Variants in TAS2R1 observed in about 807,000 individuals in gnomAD.
TAS2R1 encodes the protein taste 2 receptor member 1.
For synonymous variants in TAS2R1, 141 were observed against 134.2 expected (o/e 1.05, Z -0.35); for missense variants, 370 against 353.4 (o/e 1.05, Z -0.38).
At chr5:9,855,743 T>C in the TAS2R1 span, among the ~76,000 whole-genome samples, 2 of 152,228 alleles carry the variant, frequency 1.3e-5, no homozygotes. Flanking sequence ...GCTTCTGATA[T>C]GAGAAAGTCA....
the TAS2R1 span, among the ~76,000 whole-genome samples, chr5:9,811,290 T>C: frequency 6.6e-6 from 1 of 152,156 alleles, no homozygotes; most frequent in African/African-American, 2.4e-5. Flanking sequence ...TCCAGAACAA[T>C]GAGATGTAAA....
At chr5:9,762,163 T>C in the TAS2R1 span, among the ~76,000 whole-genome samples, 9 of 152,344 alleles carry the variant, frequency 5.9e-5, no homozygotes, top group East Asian at 1.7e-3. Context: ...AAAGTCTTTC[T>C]GTTTTTACCT....
chr5:9,704,359 C>T (rs1171170902), intron 1 of TAS2R1, among the ~76,000 whole-genome samples: 1 of 114,166 alleles, frequency 8.8e-6, no homozygotes, highest in African/African-American at 3.4e-5. Context: ...AACAGCTCCA[C>T]TGAGAAAAAA....
chr5:9,757,739 T>A, the TAS2R1 span, among the ~76,000 whole-genome samples: 4 of 152,170 alleles, frequency 2.6e-5, no homozygotes, highest in Non-Finnish European at 4.4e-5. Context: ...GAAATTACAT[T>A]TAAACTAGCA....
the TAS2R1 span, among the ~76,000 whole-genome samples, chr5:9,770,313 C>T: frequency 1.3e-5 from 2 of 152,148 alleles, no homozygotes; most frequent in Non-Finnish European, 2.9e-5. Flanking sequence ...GTTACTATAA[C>T]TCTGCAATAA....
the TAS2R1 span, among the ~76,000 whole-genome samples, chr5:9,744,400 G>GAA: frequency 1.3e-5 from 2 of 152,230 alleles, no homozygotes; most frequent in East Asian, 3.9e-4. Context: ...GATGGGAATG[G>GAA]AAAAATATTG....
the TAS2R1 span, among the ~76,000 whole-genome samples, chr5:9,899,102 T>C: frequency 6.6e-6 from 1 of 152,168 alleles, no homozygotes; most frequent in Non-Finnish European, 1.5e-5. Flanking sequence ...AGCCCACACA[T>C]ATAAATATTT....
the TAS2R1 span, among the ~76,000 whole-genome samples, chr5:9,856,215 G>C: frequency 6.6e-6 from 1 of 152,212 alleles, no homozygotes; most frequent in South Asian, 2.1e-4. Flanking sequence ...AATCCAGAAA[G>C]CCAAGCACAA....
the TAS2R1 span, among the ~76,000 whole-genome samples, chr5:9,743,460 C>A: frequency 6.6e-6 from 1 of 152,138 alleles, no homozygotes; most frequent in Non-Finnish European, 1.5e-5. Context: ...CTAATGCTAT[C>A]TTTTCTACAG....
chr5:9,667,510 C>T (rs974055995), intron 1 of TAS2R1, among the ~76,000 whole-genome samples: 1 of 152,196 alleles, frequency 6.6e-6, no homozygotes, highest in South Asian at 2.1e-4. Flanking sequence ...CAGGCATAAC[C>T]GTATGTTCCC....
chr5:9,687,250 G>A (rs1044078042), intron 1 of TAS2R1, among the ~76,000 whole-genome samples: 16 of 152,304 alleles, frequency 1.1e-4, no homozygotes, highest in East Asian at 7.7e-4. Flanking sequence ...GATTACAGGC[G>A]TGAGCTACCG....
At chr5:9,729,793 G>A in the TAS2R1 span, among the ~76,000 whole-genome samples, 2 of 152,092 alleles carry the variant, frequency 1.3e-5, no homozygotes, top group Admixed American at 1.3e-4. Context: ...CAATATGTGG[G>A]CCGGCTCAGT....
chr5:9,815,689 A>G, the TAS2R1 span, among the ~76,000 whole-genome samples: 6 of 152,142 alleles, frequency 3.9e-5, no homozygotes, highest in Middle Eastern at 3.2e-3. Context: ...GACCAAAAAA[A>G]AAAAGAAGGA....
chr5:9,686,907 T>C (rs564059411), intron 1 of TAS2R1, among the ~76,000 whole-genome samples: 2 of 152,366 alleles, frequency 1.3e-5, no homozygotes, highest in South Asian at 2.1e-4. Context: ...ATAGTAATTA[T>C]AACTTGGTAA....
At chr5:9,810,258 T>A in the TAS2R1 span, among the ~76,000 whole-genome samples, 1 of 152,220 alleles carries the variant, frequency 6.6e-6, no homozygotes, top group Non-Finnish European at 1.5e-5. Context: ...CAGTGAGATA[T>A]TACTTGACCT....
At chr5:9,715,319 T>C (rs1734785458), upstream of TAS2R1, among the ~76,000 whole-genome samples, 1 of 152,178 alleles carries the variant, frequency 6.6e-6, no homozygotes, top group Non-Finnish European at 1.5e-5. Context: ...GAGGATGCAC[T>C]TGGGGATGCT....
At chr5:9,738,322 C>T in the TAS2R1 span, among the ~76,000 whole-genome samples, 1 of 152,174 alleles carries the variant, frequency 6.6e-6, no homozygotes, top group East Asian at 1.9e-4. Context: ...TCTCTGTGTG[C>T]TCCTGGACTG....
chr5:9,794,571 T>C, the TAS2R1 span, among the ~76,000 whole-genome samples: 2 of 152,208 alleles, frequency 1.3e-5, no homozygotes, highest in Admixed American at 6.5e-5. Flanking sequence ...ACAAAGTTTG[T>C]CACTTTAACA....
the TAS2R1 span, chr5:9,889,542 G>C: frequency 6.6e-6 from 1 of 152,178 alleles, no homozygotes; most frequent in African/African-American, 2.4e-5. Flanking sequence ...CATTACAGCG[G>C]GGGTTTTTTG....
Sources: gnomAD v4.1 joint callset for allele counts (sites outside exome capture counted in the v4.1 genomes callset) on GRCh38, gnomAD v4.1.1 for gene constraint, MANE v1.5 for transcripts, NCBI Gene and HGNC (gene_info 2026-07-23, HGNC 2026-07-21) for gene names.